NUP160: variants seen among roughly 807,000 people sequenced by gnomAD.
NUP160 encodes the protein nuclear pore complex protein Nup160.
Under a neutral mutation model 196.9 loss-of-function variants are expected in NUP160, and 94 were observed. The ratio of observed to expected loss-of-function variants is 0.48; its 90% CI spans 0.40 to 0.57. NUP160 has a LOEUF of 0.57. Ranked by LOEUF, NUP160 falls within the 20% of genes least tolerant of loss-of-function variation. The pLI, the probability that NUP160 is intolerant of heterozygous loss-of-function variation, is 0.00. For missense variants in NUP160, 1,638 were observed against 1,748.3 expected (o/e 0.94, Z 1.13); for synonymous variants, 605 against 619.7 (o/e 0.98, Z 0.35).
chr11:47,827,803 T>G (rs1265363222), intron 7 of NUP160, among the ~76,000 whole-genome samples: 6 of 151,670 alleles, frequency 4.0e-5, no homozygotes, highest in Admixed American at 4.0e-4. Context: ...CCAAAAAAAT[T>G]TTTAAAAACC....
At chr11:47,778,907 C>G (rs578190026) in exon 36 of NUP160, 2 of 480,156 alleles carry the variant, frequency 4.2e-6, no homozygotes. Context: ...GGTTGAACAC[C>G]AGAAATTGTG....
intron 11 of NUP160, among the ~76,000 whole-genome samples, chr11:47,817,773 AGTATG>A (rs1487935065): frequency 6.6e-6 from 1 of 152,244 alleles, no homozygotes; most frequent in African/African-American, 2.4e-5. Flanking sequence ...TATACAGTGC[AGTATG>A]GTATCTTTTT....
chr11:47,809,833 G>T (rs2097680107), intron 17 of NUP160, among the ~76,000 whole-genome samples: 1 of 147,686 alleles, frequency 6.8e-6, no homozygotes, highest in South Asian at 2.1e-4. Context: ...TAAAGTGGAA[G>T]AACAGAACAA....
chr11:47,840,452 C>T (rs1852273143), exon 3 of NUP160: 1 of 1,614,032 alleles, frequency 6.2e-7, no homozygotes, highest in Non-Finnish European at 8.5e-7. Context: ...AAGATTATCA[C>T]ACGATTCTGA....
chr11:47,784,690 T>G (rs947749249), intron 33 of NUP160: 11 of 277,812 alleles, frequency 4.0e-5, no homozygotes, highest in African/African-American at 2.4e-4. Context: ...TCACCCCATC[T>G]TTTTCTTTTT....
chr11:47,794,345 T>C (rs907093561), intron 27 of NUP160, among the ~76,000 whole-genome samples: 12 of 151,758 alleles, frequency 7.9e-5, no homozygotes, highest in African/African-American at 2.4e-4. Flanking sequence ...TACAAAAAAA[T>C]AGCCAGGCAT....
At chr11:47,817,804 G>C (rs979496439) in intron 11 of NUP160, among the ~76,000 whole-genome samples, 1 of 152,172 alleles carries the variant, frequency 6.6e-6, no homozygotes, top group African/African-American at 2.4e-5. Flanking sequence ...ACTGTAGGTA[G>C]AGGTTTCTCT....
intron 4 of NUP160, chr11:47,839,454 G>A (rs1852251118): frequency 4.7e-6 from 1 of 214,974 alleles, no homozygotes; most frequent in Admixed American, 5.2e-5. Context: ...CAGATCTGGG[G>A]AGATATATAG....
chr11:47,795,971 G>A (rs1228972829), intron 27 of NUP160, among the ~76,000 whole-genome samples: 1 of 151,942 alleles, frequency 6.6e-6, no homozygotes, highest in Non-Finnish European at 1.5e-5. Context: ...GACCAACATG[G>A]TGAAACCCCG....
chr11:47,835,733 G>A, exon 7 of NUP160: 1 of 1,606,538 alleles, frequency 6.2e-7, no homozygotes, highest in Non-Finnish European at 8.5e-7. Context: ...TTTGTGTCCA[G>A]TTCCAGCAGT....
rs770484933 is a variant in NUP160 at position 47,780,467 on chromosome 11, T to C, written c.4117-20A>G. On this transcript the variant is annotated intron_variant, in intron 34 of 35. Coordinates refer to ENST00000378460, the Ensembl canonical transcript of NUP160. ...TGGAAACTAAAAGGAAAATGTTTAT[T>C]TGAAAACAGTCTGCAAAGTGTACCA... 49 of 1,519,942 alleles carry C rather than the reference T, an allele frequency of 3.2e-5. No homozygotes were observed. Among genetic ancestry groups the C allele is most frequent in the Non-Finnish European group, 4.3e-5 (47 of 1,094,984 alleles). 94.2% of individuals were successfully genotyped at this position (1,519,942 alleles called of 1,614,324 possible).
At chr11:47,822,249 C>G (rs1312098051) in intron 7 of NUP160, 85 bp from the exon 8 acceptor site, 2 of 962,176 alleles carry the variant, frequency 2.1e-6, no homozygotes, top group Non-Finnish European at 3.1e-6. Context: ...ATTCAGAAAC[C>G]TTTAAAAAAA....
chr11:47,813,642 C>G (rs934219759), intron 13 of NUP160, among the ~76,000 whole-genome samples: 1 of 150,768 alleles, frequency 6.6e-6, no homozygotes, highest in Non-Finnish European at 1.5e-5. Flanking sequence ...CCAGCCTGGG[C>G]ATCATGATGA....
intron 9 of NUP160, among the ~76,000 whole-genome samples, chr11:47,820,954 A>AT (rs1851846001): frequency 6.6e-6 from 1 of 151,160 alleles, no homozygotes; most frequent in South Asian, 2.1e-4. Flanking sequence ...AAGTGCTTGG[A>AT]TTACAGGTAT....
intron 31 of NUP160, among the ~76,000 whole-genome samples, chr11:47,787,296 C>T (rs1169419270): frequency 2.0e-5 from 3 of 152,006 alleles, no homozygotes; most frequent in African/African-American, 4.8e-5. Context: ...TCATGTTGGC[C>T]GGGCAGGTCT....
At position 47,821,835 on chromosome 11, in the gene NUP160, T is replaced by TG. The variant is rs770508621; in HGVS notation, c.1180-15dup. Reference sequence around the variant, plus strand: ...AATCAGTGTCTCCTAGGAGGAAATGTGGGAAAAAAAGGGATAAAATAAGAA... The same window carrying TG: ...AATCAGTGTCTCCTAGGAGGAAATGTGGGGAAAAAAAGGGATAAAATAAGAA... On this transcript the variant is annotated splice_polypyrimidine_tract_variant and intron_variant, in intron 8 of 35. Transcript: ENST00000378460. 8 of 1,597,046 alleles carry TG rather than the reference T, an allele frequency of 5.0e-6. No individual in the cohort carries two copies. In the African/African-American group the frequency reaches 1.1e-4, roughly 21 times the overall value.
chr11:47,848,497 C>A (rs1392362463), upstream of NUP160: 4 of 1,209,262 alleles, frequency 3.3e-6, no homozygotes, highest in East Asian at 1.0e-4. Context: ...AGCGAGGAAT[C>A]CAGAAGAGAA....
chr11:47,837,923 T>A (rs1018109056), intron 4 of NUP160, among the ~76,000 whole-genome samples: 3 of 152,226 alleles, frequency 2.0e-5, no homozygotes, highest in Non-Finnish European at 4.4e-5. Context: ...TAGGTACCTT[T>A]CATGTGCCAG....
rs144818879 is a variant in NUP160 at position 47,808,400 on chromosome 11, T to C, written c.2371A>G (p.Thr791Ala). 5.9e-5 allele frequency: 95 copies of C among 1,611,366 alleles called. No individual in the cohort carries two copies. In the African/African-American group the frequency reaches 1.2e-3, roughly 20 times the overall value. Residue 791 changes from threonine to alanine, a missense_variant, in exon 18 of 36, where the codon ACA becomes GCA. Physicochemically the swap from Thr to Ala is moderately conservative, Grantham distance 58 (BLOSUM62 0). This residue lies in a region of NUP160 where 1,345 missense variants were observed against 1,470.2 expected (regional missense o/e 0.91). Transcript: ENST00000378460. ...AATTGGGATAATGAAACTCACAGTGTGTCAAGTGGAACATCAGTTGCCAAG... is the reference window on the plus strand; with the variant it reads ...AATTGGGATAATGAAACTCACAGTGCGTCAAGTGGAACATCAGTTGCCAAG...
Sources: gnomAD v4.1 joint callset for allele counts (sites outside exome capture counted in the v4.1 genomes callset) on GRCh38, gnomAD v4.1.1 for gene constraint, gnomAD v4.1.1 regional missense constraint, MANE v1.5 for transcripts, NCBI Gene and HGNC (gene_info 2026-07-23, HGNC 2026-07-21) for gene names.